Variants in MAN2A1 observed in about 807,000 individuals in gnomAD.
MAN2A1 encodes the protein alpha-mannosidase 2.
In MAN2A1, 76 loss-of-function variants were observed where a neutral mutation model predicts 142.6. The ratio of observed to expected loss-of-function variants is 0.53; its 90% CI spans 0.44 to 0.65. The LOEUF is 0.65. Ranked by LOEUF, MAN2A1 falls within the 30% of genes least tolerant of loss-of-function variation. MAN2A1 has a pLI of 0.00. For missense variants in MAN2A1, 1,311 were observed against 1,365.1 expected (o/e 0.96, Z 0.62); for synonymous variants, 559 against 473.2 (o/e 1.18, Z -2.35).
chr5:109,726,201 G>A (rs1481548843), intron 3 of MAN2A1, among the ~76,000 whole-genome samples: 1 of 152,070 alleles, frequency 6.6e-6, no homozygotes, highest in Non-Finnish European at 1.5e-5. Context: ...AAATCTAGAG[G>A]TAGGAATATA....
chr5:109,721,459 T>TTG lies in MAN2A1; in HGVS notation c.535+5207_535+5208dup, dbSNP rs1010506783. Among the ~76,000 whole-genome samples the TTG allele has an allele frequency of 3.6e-4, 55 of 152,090 alleles. 1 individual carries two copies. Among genetic ancestry groups the TTG allele is most frequent in the Middle Eastern group, 3.4e-3 (1 of 294 alleles). On this transcript the variant is annotated intron_variant, in intron 3 of 21. Coordinates refer to ENST00000261483, the MANE Select transcript of MAN2A1 (RefSeq NM_002372.4). ...TAGTTTGTGTGTGTGTGTTTGTAGT[T>TTG]TGTGTGTGTGTGTTTGTGTGTCCCA...
intron 20 of MAN2A1, among the ~76,000 whole-genome samples, chr5:109,858,439 T>C (rs1561546015): frequency 6.6e-6 from 1 of 151,022 alleles, no homozygotes; most frequent in East Asian, 1.9e-4. Flanking sequence ...ATGCTTATAC[T>C]AAAAAAAAAG....
Position 109,845,848 on chromosome 5 carries a change from ATTG to A in MAN2A1, c.2701-12_2701-10del. Reference sequence around the variant, plus strand: ...GTAAATATCACTTTTTGTAGATGGAATTGTTGTGTTTTATAGATTCAACCTAGA... The same window carrying A: ...GTAAATATCACTTTTTGTAGATGGAATTGTGTTTTATAGATTCAACCTAGA... On this transcript the variant is annotated splice_polypyrimidine_tract_variant and intron_variant, in intron 17 of 21. Transcript: ENST00000261483. The A allele has an allele frequency of 6.3e-7, 1 of 1,599,930 alleles. No homozygotes were observed. The highest frequency in any genetic ancestry group is 8.5e-7 in the Non-Finnish European group (1 of 1,173,720).
chr5:109,746,921 ATGT>A (rs1372042902), intron 4 of MAN2A1, among the ~76,000 whole-genome samples: 1 of 152,150 alleles, frequency 6.6e-6, no homozygotes, highest in African/African-American at 2.4e-5. Context: ...AGGCTCATTC[ATGT>A]TGTAGCATGT....
At chr5:109,781,300 C>A in intron 8 of MAN2A1, 96 bp from the exon 9 acceptor site, 1 of 655,504 alleles carries the variant, frequency 1.5e-6, no homozygotes, top group Non-Finnish European at 2.5e-6. Context: ...CTTGGAAACA[C>A]ATGTTAAATA....
intron 12 of MAN2A1, among the ~76,000 whole-genome samples, chr5:109,813,332 G>T (rs1304923512): frequency 1.3e-5 from 2 of 152,224 alleles, no homozygotes; most frequent in African/African-American, 4.8e-5. Context: ...AACTTCAGCT[G>T]TCACAACTGT....
chr5:109,797,028 G>T (rs926355734), intron 12 of MAN2A1, among the ~76,000 whole-genome samples: 1 of 152,130 alleles, frequency 6.6e-6, no homozygotes, highest in African/African-American at 2.4e-5. Context: ...AACTAACTAC[G>T]TTAGAGAAGG....
At chr5:109,699,850 G>T (rs1561466187) in intron 1 of MAN2A1, 1 of 152,484 alleles carries the variant, frequency 6.6e-6, no homozygotes, top group African/African-American at 2.4e-5. Flanking sequence ...GTCAGTTAAA[G>T]AAATAAAAAA....
At chr5:109,824,952 AATAACCCATG>A in intron 16 of MAN2A1, among the ~76,000 whole-genome samples, 1 of 152,360 alleles carries the variant, frequency 6.6e-6, no homozygotes, top group African/African-American at 2.4e-5. Context: ...GGTTTTTCAG[AATAACCCATG>A]ATTCATAGGA....
intron 16 of MAN2A1, among the ~76,000 whole-genome samples, chr5:109,826,840 C>T (rs1460254306): frequency 1.3e-5 from 2 of 152,212 alleles, no homozygotes; most frequent in Non-Finnish European, 2.9e-5. Context: ...AGTTGTTTAA[C>T]ATTCTAAACT....
Position 109,731,823 on chromosome 5 carries a change from C to T in MAN2A1, c.707+2310C>T, listed in dbSNP as rs537159266. Reference sequence around the variant, plus strand: ...TGTGAATAGTGCCGCAATAAACATACATGTGCATGTGTCTTTATAGCAGCA... The same window carrying T: ...TGTGAATAGTGCCGCAATAAACATATATGTGCATGTGTCTTTATAGCAGCA... On this transcript the variant is annotated intron_variant, in intron 4 of 21. Transcript: ENST00000261483. Among the ~76,000 whole-genome samples the T allele has an allele frequency of 3.4e-4, 50 of 148,764 alleles. 1 individual carries two copies. The highest frequency in any genetic ancestry group is 9.0e-4 in the African/African-American group (36 of 39,868).
At chr5:109,775,001 T>C in intron 8 of MAN2A1, 36 bp downstream of exon 8, 1 of 1,421,486 alleles carries the variant, frequency 7.0e-7, no homozygotes, top group Non-Finnish European at 9.7e-7. Flanking sequence ...GTATTTGAAA[T>C]TGAACCTTTA....
At chr5:109,833,859 G>A (rs1463196778) in intron 16 of MAN2A1, among the ~76,000 whole-genome samples, 1 of 152,122 alleles carries the variant, frequency 6.6e-6, no homozygotes, top group Non-Finnish European at 1.5e-5. Flanking sequence ...ACCTGATTAG[G>A]TATGCTTTCA....
At position 109,784,760 on chromosome 5, in the gene MAN2A1, T is replaced by C. The variant is rs1212422142; in HGVS notation, c.1594T>C (p.Tyr532His). The change falls in exon 10 of 22, where the codon TAC (tyrosine) becomes CAC (histidine). Residue 532 changes from tyrosine (Y) to histidine (H), a missense_variant. By Grantham distance (83) the Tyr-to-His change is moderately conservative. Transcript: ENST00000261483. ...ESHLRAAEIL[Y>H]YFALRQAHKY... Reference sequence around the variant, plus strand: ...TGCAATTAGGGCTGCTGAAATTCTTTACTATTTCGCCCTGAGACAAGCTCA... The same window carrying C: ...TGCAATTAGGGCTGCTGAAATTCTTCACTATTTCGCCCTGAGACAAGCTCA... 4.4e-6 allele frequency: 7 copies of C among 1,595,312 alleles called. No individual in the cohort carries two copies. In the African/African-American group the frequency reaches 9.5e-5, roughly 22 times the overall value.
chr5:109,716,882 A>G (rs1344393687), intron 3 of MAN2A1, among the ~76,000 whole-genome samples: 2 of 152,166 alleles, frequency 1.3e-5, no homozygotes, highest in Non-Finnish European at 2.9e-5. Flanking sequence ...AGTAGCTGCT[A>G]TCATTATTGT....
rs374120172 is a variant in MAN2A1 at position 109,701,836 on chromosome 5, G to A, written c.135+11284G>A. Among the ~76,000 whole-genome samples the A allele has an allele frequency of 4.6e-4, 70 of 152,310 alleles. 1 individual carries two copies. In the East Asian group the frequency reaches 0.01, roughly 23 times the overall value. The stretch of plus-strand genomic sequence containing the variant: ...TTCTCCTACCTTTTTCCATTGGGGT[G>A]TTGGAGACTGGTTGTACTATTTGCA... On this transcript the variant is annotated intron_variant, in intron 1 of 21. Transcript: ENST00000261483.
chr5:109,716,852 A>G (rs1443381456), intron 3 of MAN2A1, among the ~76,000 whole-genome samples: 2 of 152,188 alleles, frequency 1.3e-5, no homozygotes, highest in African/African-American at 2.4e-5. Flanking sequence ...GCAAAGTGAA[A>G]GAATCATGTA....
At chr5:109,739,601 C>A (rs956503952) in intron 4 of MAN2A1, among the ~76,000 whole-genome samples, 1 of 152,116 alleles carries the variant, frequency 6.6e-6, no homozygotes, top group African/African-American at 2.4e-5. Context: ...GTCCGTAAGT[C>A]CAAGTATTTC....
intron 16 of MAN2A1, among the ~76,000 whole-genome samples, chr5:109,838,854 AT>A (rs1002469322): frequency 3.9e-5 from 6 of 152,198 alleles, no homozygotes; most frequent in African/African-American, 1.4e-4. Flanking sequence ...TCTGAGTATA[AT>A]ACTGAGGTTG....
Sources: allele counts gnomAD v4.1 joint callset (sites outside exome capture counted in the v4.1 genomes callset), GRCh38; gene constraint gnomAD v4.1.1; transcripts MANE v1.5; gene names NCBI Gene and HGNC (gene_info 2026-07-23, HGNC 2026-07-21).